The following ATRN variants were observed in gnomAD, a reference collection of about 807,000 sequenced individuals.
ATRN encodes the protein attractin-2.
Under a neutral mutation model 178.7 loss-of-function variants are expected in ATRN, and 54 were observed. The observed-to-expected ratio is 0.30, with a 90% CI of 0.24 to 0.38. The LOEUF is 0.38. ATRN is among the 10% of genes least tolerant of loss of function. The pLI is 1.00. For synonymous variants in ATRN, 636 were observed against 663.0 expected (o/e 0.96, Z 0.63); for missense variants, 1,443 against 1,815.1 (o/e 0.79, Z 3.73).
Position 3,545,828 on chromosome 20 carries a change from T to C in ATRN, c.675T>C (p.Tyr225=). 1.9e-6 allele frequency: 3 copies of C among 1,614,136 alleles called. No homozygotes were observed. The highest frequency in any genetic ancestry group is 2.5e-6 in the Non-Finnish European group (3 of 1,179,952). Residue 225 remains tyrosine, a synonymous_variant, in exon 4 of 29, where the codon TAT becomes TAC. Transcript: ENST00000262919. The part of the protein sequence containing the change: ...TVPEVVATSG[Y]ALLHFFSDAA... ...CTGAGGTTGTTGCCACATCAGGTTA[T>C]GCCTTGCTGCATTTTTTTAGTGATG...
chr20:3,636,814 G>A (rs1200481210), intron 26 of ATRN, among the ~76,000 whole-genome samples: 4 of 152,134 alleles, frequency 2.6e-5, no homozygotes, highest in Non-Finnish European at 5.9e-5. Flanking sequence ...CGTTATCTTC[G>A]TGTAATCCTA....
intron 24 of ATRN, among the ~76,000 whole-genome samples, chr20:3,604,915 C>T (rs1327238950): frequency 3.9e-5 from 6 of 152,150 alleles, no homozygotes; most frequent in African/African-American, 7.2e-5. Flanking sequence ...CCCTCTTGTC[C>T]GAGACCCATG....
chr20:3,585,981 G>A (rs892356041), intron 18 of ATRN, among the ~76,000 whole-genome samples: 1 of 152,278 alleles, frequency 6.6e-6, no homozygotes, highest in African/African-American at 2.4e-5. Context: ...GAACTCTCAT[G>A]CAGGTTGGCA....
rs372236785 is a variant in ATRN, at chr20:3,560,771, C to G, written c.1313C>G (p.Ala438Gly). The G allele has an allele frequency of 2.5e-5, 41 of 1,613,904 alleles. No homozygotes were observed. The Middle Eastern group carries it at 1.3e-3, about 52-fold the overall frequency. Residue 438 changes from alanine (A) to glycine (G), a missense_variant, in exon 8 of 29, where the codon GCA (alanine) becomes GGA (glycine). By Grantham distance (60) the Ala-to-Gly change is moderately conservative. Transcript: ENST00000262919. ...TCATGGGTGTTGTTGACCCCTAAGGCAAAGGAGCAGTATGCAGTGGTTGGG... is the reference window on the plus strand; with the variant it reads ...TCATGGGTGTTGTTGACCCCTAAGGGAAAGGAGCAGTATGCAGTGGTTGGG... Reference protein sequence around the residue: ...NESWVLLTPKAKEQYAVVGHS... With the variant: ...NESWVLLTPKGKEQYAVVGHS...
Position 3,471,446 on chromosome 20 carries a change from T to C in ATRN, c.339T>C (p.Pro113=). 1 of 1,447,398 alleles carries C rather than the reference T, an allele frequency of 6.9e-7. No individual in the cohort carries two copies. The highest frequency in any genetic ancestry group is 9.0e-7 in the Non-Finnish European group (1 of 1,107,316). The allele number at this position is 1,447,398 out of a possible 1,614,324, so 89.7% of individuals were successfully genotyped here. The change falls in exon 1 of 29, where the codon CCT becomes CCC. Residue 113 remains proline (P), a synonymous_variant. Coordinates refer to ENST00000262919, the MANE Select transcript of ATRN (RefSeq NM_139321.3). The stretch of plus-strand genomic sequence containing the variant: ...GTGTCAACGGCGGTCGCTGCAACCC[T>C]GGCACCGGCCAGTGCGTCTGCCCCG... ...RPCVNGGRCN[P]GTGQCVCPAG... is the part of the protein sequence containing the mutation.
chr20:3,511,727 A>G (rs2085130913), intron 1 of ATRN, among the ~76,000 whole-genome samples: 1 of 152,176 alleles, frequency 6.6e-6, no homozygotes, highest in Non-Finnish European at 1.5e-5. Context: ...ACAGATCAAC[A>G]ACGAAGAAAG....
At chr20:3,592,181 C>T (rs1395295043) in intron 19 of ATRN, among the ~76,000 whole-genome samples, 1 of 152,124 alleles carries the variant, frequency 6.6e-6, no homozygotes, top group African/African-American at 2.4e-5. Flanking sequence ...AGGTGGATCA[C>T]TTGAGGTTAG....
At chr20:3,559,022 G>A (rs1453635240) in intron 6 of ATRN, among the ~76,000 whole-genome samples, 1 of 151,716 alleles carries the variant, frequency 6.6e-6, no homozygotes, top group Non-Finnish European at 1.5e-5. Flanking sequence ...CCCTTTTTTG[G>A]TACCTATCTT....
At chr20:3,518,357 C>T (rs2085235157) in intron 1 of ATRN, among the ~76,000 whole-genome samples, 1 of 152,156 alleles carries the variant, frequency 6.6e-6, no homozygotes, top group Admixed American at 6.5e-5. Flanking sequence ...GGGACAAGTC[C>T]CGGCCCAACT....
intron 11 of ATRN, among the ~76,000 whole-genome samples, chr20:3,571,799 C>T (rs1041767160): frequency 6.6e-6 from 1 of 152,052 alleles, no homozygotes; most frequent in African/African-American, 2.4e-5. Flanking sequence ...TTGCTTATAG[C>T]ATTATTTCCA....
intron 20 of ATRN, among the ~76,000 whole-genome samples, 154 bp from the exon 21 acceptor site, chr20:3,596,223 T>C (rs2086526283): frequency 6.6e-6 from 1 of 152,256 alleles, no homozygotes. Context: ...TCATGCATGC[T>C]CTTCCTAGAC....
intron 7 of ATRN, among the ~76,000 whole-genome samples, chr20:3,560,449 A>G (rs1050474760): frequency 3.9e-5 from 6 of 152,216 alleles, no homozygotes; most frequent in African/African-American, 9.6e-5. Flanking sequence ...GCTGCAATTA[A>G]CATGGGAGTG....
chr20:3,588,189 T>C lies in ATRN; in HGVS notation c.3185-2980T>C, dbSNP rs112750727. Among the ~76,000 whole-genome samples, 66 of 152,320 alleles carry C rather than the reference T, an allele frequency of 4.3e-4. 1 individual carries two copies. Among genetic ancestry groups the C allele is most frequent in the African/African-American group, 1.5e-3 (62 of 41,584 alleles). ...GGTTAAATCTTCTAGCCTATGAACC[T>C]GGAATGTCTATTTATTTACCTCTTT... is the stretch of plus-strand genomic sequence containing the variant. On this transcript the variant is annotated intron_variant, in intron 18 of 28. Transcript: ENST00000262919.
chr20:3,590,170 C>T (rs1298875765), intron 18 of ATRN, among the ~76,000 whole-genome samples: 17 of 152,270 alleles, frequency 1.1e-4, no homozygotes, highest in African/African-American at 3.1e-4. Context: ...AGGCTGATCT[C>T]GAACTCCTGA....
Position 3,592,176 on chromosome 20 carries a change from G to C in ATRN, c.3322+870G>C, listed in dbSNP as rs2086456018. 3.3e-5 allele frequency among the ~76,000 whole-genome samples: 5 copies of C among 152,166 alleles called. No homozygotes were observed. The South Asian group carries it at 1.0e-3, about 32-fold the overall frequency. On this transcript the variant is annotated intron_variant, in intron 19 of 28. Coordinates refer to ENST00000262919, the MANE Select transcript of ATRN (RefSeq NM_139321.3). ...GCACTTTGGGAGGCCAAGGCAGGTG[G>C]ATCACTTGAGGTTAGGAGTTTGAGA...
chr20:3,500,556 A>T (rs2084946434), intron 1 of ATRN, among the ~76,000 whole-genome samples: 1 of 151,632 alleles, frequency 6.6e-6, no homozygotes, highest in Non-Finnish European at 1.5e-5. Context: ...TGAAATTGGA[A>T]ATCATCATTC....
rs1365752770 is a variant in ATRN at position 3,645,401 on chromosome 20, G to A, written c.4165+1133G>A. Among the ~76,000 whole-genome samples, 1 of 152,162 alleles carries A rather than the reference G, an allele frequency of 6.6e-6. No homozygotes were observed. Reference sequence around the variant, plus strand: ...TTCCTGTGAGTTGAGCCCCTAACTCGGCCTTGCCTGTGTTGAGGACAGGAC... The same window carrying A: ...TTCCTGTGAGTTGAGCCCCTAACTCAGCCTTGCCTGTGTTGAGGACAGGAC... On this transcript the variant is annotated intron_variant, in intron 28 of 28. Coordinates refer to ENST00000262919, the MANE Select transcript of ATRN (RefSeq NM_139321.3). This position sits in a 1 kb window ranked among gnomAD's most constrained non-coding sequence, Gnocchi z 4.7.
chr20:3,505,216 A>T (rs953598412), intron 1 of ATRN, among the ~76,000 whole-genome samples: 5 of 152,148 alleles, frequency 3.3e-5, no homozygotes, highest in African/African-American at 7.2e-5. Flanking sequence ...AAAAAGGCAA[A>T]TCTCATTTCT....
intron 1 of ATRN, chr20:3,490,780 C>G (rs1199107603): frequency 5.1e-6 from 4 of 791,154 alleles, no homozygotes; most frequent in Non-Finnish European, 9.3e-6. Flanking sequence ...TCAGCAAACT[C>G]ACTGGGTCCT....
Sources: gnomAD v4.1 joint callset for allele counts (sites outside exome capture counted in the v4.1 genomes callset) on GRCh38, gnomAD v4.1.1 for gene constraint, Gnocchi (gnomAD v3.1) non-coding constraint, MANE v1.5 for transcripts, NCBI Gene and HGNC (gene_info 2026-07-23, HGNC 2026-07-21) for gene names.